The following ARHGAP35 variants were observed in gnomAD, a reference collection of about 807,000 sequenced individuals.
ARHGAP35 encodes Rho GTPase activating protein 35.
Under a neutral mutation model 111.1 loss-of-function variants are expected in ARHGAP35, and 15 were observed. The observed-to-expected ratio is 0.13, with a 90% CI of 0.09 to 0.21. The LOEUF (loss-of-function observed/expected upper bound fraction) is 0.21, where lower values mean the gene tolerates loss of function less well. Among genes scored for constraint, ARHGAP35 ranks in the 10% least tolerant of loss-of-function variants. The probability of loss-of-function intolerance (pLI) is 1.00; values close to 1 mark genes in which losing one functional copy is unlikely to be tolerated. For synonymous variants in ARHGAP35, 643 were observed against 710.3 expected (o/e 0.91, Z 1.51); for missense variants, 1,262 against 1,873.0 (o/e 0.67, Z 6.02).
chr19:46,964,379 C>T (rs557858677), intron 3 of ARHGAP35, among the ~76,000 whole-genome samples: 1 of 151,798 alleles, frequency 6.6e-6, no homozygotes, highest in South Asian at 2.1e-4. Flanking sequence ...GTGATCCTCC[C>T]GAGTAGCTGG....
chr19:46,968,435 C>G (rs932898354), intron 3 of ARHGAP35, among the ~76,000 whole-genome samples: 2 of 152,116 alleles, frequency 1.3e-5, no homozygotes, highest in African/African-American at 4.8e-5. Flanking sequence ...GCCTGCTGTC[C>G]CTCGGCTGGA....
intron 1 of ARHGAP35, among the ~76,000 whole-genome samples, chr19:46,906,834 A>G (rs371691987): frequency 1.8e-4 from 27 of 152,318 alleles, no homozygotes; most frequent in African/African-American, 6.3e-4. Context: ...GACACCTGCA[A>G]TCCCAGCACT....
chr19:46,998,556 C>T (rs905502628), intron 5 of ARHGAP35, among the ~76,000 whole-genome samples: 2 of 152,336 alleles, frequency 1.3e-5, no homozygotes, highest in African/African-American at 4.8e-5. Flanking sequence ...CCAGTCCCAG[C>T]TCTGCAACTT....
At chr19:46,983,994 A>G (rs2056635603) in intron 3 of ARHGAP35, among the ~76,000 whole-genome samples, 1 of 152,158 alleles carries the variant, frequency 6.6e-6, no homozygotes, top group South Asian at 2.1e-4. Flanking sequence ...TTGTTCAGAT[A>G]TTTGAACATA....
intron 2 of ARHGAP35, among the ~76,000 whole-genome samples, chr19:46,928,989 G>T (rs770686713): frequency 3.0e-5 from 2 of 65,978 alleles, no homozygotes; most frequent in African/African-American, 6.4e-5. Context: ...ACATGTCTCC[G>T]TTTCTTTCTC....
intron 1 of ARHGAP35, among the ~76,000 whole-genome samples, chr19:46,893,805 T>TG (rs776398325): frequency 6.6e-6 from 1 of 151,766 alleles, no homozygotes; most frequent in African/African-American, 2.4e-5. Flanking sequence ...AAAAATGTAT[T>TG]GGGGGGGAAG....
chr19:46,935,999 A>AT (rs1333830893), intron 2 of ARHGAP35, among the ~76,000 whole-genome samples: 4 of 152,124 alleles, frequency 2.6e-5, no homozygotes, highest in Non-Finnish European at 4.4e-5. Flanking sequence ...CATGTGAGAG[A>AT]TTTTTTCCTT....
intron 3 of ARHGAP35, among the ~76,000 whole-genome samples, chr19:46,978,587 GGC>G (rs2056593441): frequency 1.5e-5 from 2 of 129,830 alleles, no homozygotes; most frequent in Non-Finnish European, 1.7e-5. Flanking sequence ...TGTGTGGTGG[GGC>G]GTGTGGGGGG....
intron 3 of ARHGAP35, among the ~76,000 whole-genome samples, chr19:46,958,150 G>A (rs565039957): frequency 6.4e-4 from 97 of 152,264 alleles, no homozygotes; most frequent in Non-Finnish European, 5.1e-4. Context: ...TTGGGAGGCC[G>A]AGGCGGGCGG....
intron 3 of ARHGAP35, among the ~76,000 whole-genome samples, chr19:46,978,365 C>T (rs1434528196): frequency 1.3e-5 from 2 of 152,134 alleles, no homozygotes; most frequent in Non-Finnish European, 2.9e-5. Flanking sequence ...CCTCTGCCCT[C>T]CTTAATGCTT....
intron 1 of ARHGAP35, among the ~76,000 whole-genome samples, chr19:46,875,571 C>G (rs2055914345): frequency 6.6e-6 from 1 of 152,140 alleles, no homozygotes; most frequent in South Asian, 2.1e-4. Flanking sequence ...TGACTTAGGA[C>G]AAGTCATTTA....
At chr19:46,976,114 G>C (rs1042172874) in intron 3 of ARHGAP35, among the ~76,000 whole-genome samples, 3 of 151,372 alleles carry the variant, frequency 2.0e-5, no homozygotes, top group Non-Finnish European at 2.9e-5. Flanking sequence ...TATGGGGGCT[G>C]TCTGTTACTT....
At chr19:46,895,112 T>C (rs1294987888) in intron 1 of ARHGAP35, among the ~76,000 whole-genome samples, 7 of 151,946 alleles carry the variant, frequency 4.6e-5, no homozygotes. Context: ...TAAATAGAAA[T>C]GAATTTTTGC....
In ARHGAP35 at chr19:46,920,282, T is replaced by C. The variant is rs766236238; in HGVS notation, c.1607T>C (p.Leu536Pro). Residue 536 changes from leucine (L) to proline (P), a missense_variant, in exon 2 of 7, where the codon CTC becomes CCC. This residue lies in a region of ARHGAP35 where 328 missense variants were observed against 440.8 expected (regional missense o/e 0.74). Transcript: ENST00000672722. The surrounding 1 kb of genome is among the most constrained non-coding windows in gnomAD (Gnocchi z 7.0). The stretch of plus-strand genomic sequence containing the variant: ...CAGCGATTTAAAGCATTACAAAAGC[T>C]CCAAGCAGAGCGTGATGCCCTTATT... Reference protein sequence around the residue: ...EEQRFKALQKLQAERDALILK... With the variant: ...EEQRFKALQKPQAERDALILK... 1 of 1,613,966 alleles carries C rather than the reference T, an allele frequency of 6.2e-7. No individual in the cohort carries two copies. The highest frequency in any genetic ancestry group is 1.7e-5 in the Admixed American group (1 of 60,012).
chr19:46,959,231 C>T (rs996478410), intron 3 of ARHGAP35, among the ~76,000 whole-genome samples: 4 of 151,890 alleles, frequency 2.6e-5, no homozygotes, highest in Admixed American at 2.0e-4. Context: ...CACCTGGCTA[C>T]TTTTTTGTAT....
At chr19:46,893,487 G>A (rs1019035279) in intron 1 of ARHGAP35, among the ~76,000 whole-genome samples, 1 of 151,948 alleles carries the variant, frequency 6.6e-6, no homozygotes, top group East Asian at 1.9e-4. Context: ...GCCTTAAAAT[G>A]CTGTGATTCT....
chr19:46,895,207 A>G (rs1454147937), intron 1 of ARHGAP35, among the ~76,000 whole-genome samples: 1 of 148,170 alleles, frequency 6.7e-6, no homozygotes, highest in Non-Finnish European at 1.5e-5. Flanking sequence ...TCTGTCACCC[A>G]GGCTGGAGTC....
intron 3 of ARHGAP35, among the ~76,000 whole-genome samples, chr19:46,978,636 G>T (rs568941064): frequency 8.4e-5 from 12 of 142,154 alleles, no homozygotes; most frequent in African/African-American, 3.1e-4. Context: ...CTGTGTGTGC[G>T]GTGGGGTATG....
At chr19:46,997,882 C>T (rs1368875461) in intron 5 of ARHGAP35, 1 of 152,222 alleles carries the variant, frequency 6.6e-6, no homozygotes, top group Non-Finnish European at 1.5e-5. Context: ...GTGGGTGGAT[C>T]ACGAGGTCAG....
Sources: allele counts gnomAD v4.1 joint callset (sites outside exome capture counted in the v4.1 genomes callset), GRCh38; gene constraint gnomAD v4.1.1; regional missense constraint gnomAD v4.1.1; non-coding constraint Gnocchi (gnomAD v3.1); transcripts MANE v1.5; gene names NCBI Gene and HGNC (gene_info 2026-07-23, HGNC 2026-07-21).